The following ARHGAP21 variants were observed in gnomAD, a reference collection of about 807,000 sequenced individuals.
The protein encoded by ARHGAP21 is rho GTPase-activating protein 21.
A neutral mutation model predicts 164.6 loss-of-function variants in ARHGAP21; 38 were observed. The ratio of observed to expected loss-of-function variants is 0.23; its 90% CI spans 0.18 to 0.30. ARHGAP21 has a LOEUF of 0.30. Among genes scored for constraint, ARHGAP21 ranks in the 10% least tolerant of loss-of-function variants. The pLI is 1.00. For missense variants in ARHGAP21, 1,822 were observed against 2,370.7 expected, an observed-to-expected ratio of 0.77 and a Z score of 4.81; for synonymous variants, 766 against 857.9, an observed-to-expected ratio of 0.89 and a Z score of 1.87.
chr10:24,621,223 G>A lies in ARHGAP21; in HGVS notation c.672C>T (p.Asp224=), dbSNP rs201264537. ...MAQPVEISPP[D]SSLSKQQTST... ...TGGTTTGCTGTTTGCTCAATGATGA[G>A]TCAGGAGGAGATATTTCAACTGGCT... is the stretch of plus-strand genomic sequence containing the variant. The change falls in exon 9 of 26, where the codon GAC becomes GAT. Residue 224 remains aspartate (D), a synonymous_variant. Coordinates refer to ENST00000396432, the MANE Select transcript of ARHGAP21 (RefSeq NM_020824.4). 1.2e-6 allele frequency: 2 copies of A among 1,613,836 alleles called. No individual in the cohort carries two copies. Among genetic ancestry groups the A allele is most frequent in the Admixed American group, 1.7e-5 (1 of 59,988 alleles).
chr10:24,642,514 C>CAAAA (rs57154901), intron 4 of ARHGAP21, among the ~76,000 whole-genome samples: 2 of 47,896 alleles, frequency 4.2e-5, no homozygotes, highest in East Asian at 5.7e-4. Context: ...GACTCCGTCT[C>CAAAA]AAAAAAAAAA....
At chr10:24,666,821 T>C (rs189461522) in intron 4 of ARHGAP21, among the ~76,000 whole-genome samples, 164 bp downstream of exon 4, 2 of 152,232 alleles carry the variant, frequency 1.3e-5, no homozygotes, top group East Asian at 3.9e-4. Flanking sequence ...TCATAAAACT[T>C]TGAAGTCCAC....
intron 2 of ARHGAP21, 26 bp from the exon 3 acceptor site, chr10:24,670,423 T>C (rs1327448002): frequency 1.3e-6 from 2 of 1,521,472 alleles, no homozygotes; most frequent in Admixed American, 3.7e-5. Context: ...ATTTAAAAGT[T>C]AACTACATAA....
At chr10:24,659,779 C>A (rs1025856803) in intron 4 of ARHGAP21, among the ~76,000 whole-genome samples, 1 of 152,258 alleles carries the variant, frequency 6.6e-6, no homozygotes, top group Non-Finnish European at 1.5e-5. Context: ...GCTGGGATTA[C>A]AGGCATGGGC....
intron 4 of ARHGAP21, among the ~76,000 whole-genome samples, chr10:24,644,693 C>G (rs930854527): frequency 6.6e-6 from 1 of 152,150 alleles, no homozygotes; most frequent in African/African-American, 2.4e-5. Context: ...AAGCAAATTA[C>G]CAACTCCTCC....
chr10:24,593,105 C>T (rs1189791538), intron 21 of ARHGAP21, among the ~76,000 whole-genome samples: 2 of 152,052 alleles, frequency 1.3e-5, no homozygotes, highest in East Asian at 3.9e-4. Flanking sequence ...CACTGCCAAA[C>T]TCAAAAAGCC....
chr10:24,593,509 T>TAAAC (rs966375813), intron 21 of ARHGAP21, among the ~76,000 whole-genome samples: 3 of 152,350 alleles, frequency 2.0e-5, no homozygotes, highest in Non-Finnish European at 2.9e-5. Flanking sequence ...TTTATCTGGG[T>TAAAC]AAACAGTTTC....
intron 4 of ARHGAP21, among the ~76,000 whole-genome samples, chr10:24,658,139 C>A (rs1839270970): frequency 6.6e-6 from 1 of 151,490 alleles, no homozygotes; most frequent in South Asian, 2.1e-4. Flanking sequence ...CATCTCACAC[C>A]AGTTAGAATG....
chr10:24,705,274 T>A (rs1565193343), intron 2 of ARHGAP21, among the ~76,000 whole-genome samples: 1 of 152,214 alleles, frequency 6.6e-6, no homozygotes. Flanking sequence ...AATTCCAGTA[T>A]CTATCTTCTT....
At chr10:24,650,466 G>A (rs983333146) in intron 4 of ARHGAP21, among the ~76,000 whole-genome samples, 1 of 152,166 alleles carries the variant, frequency 6.6e-6, no homozygotes, top group Non-Finnish European at 1.5e-5. Flanking sequence ...AGTAGCATCA[G>A]ACTTCGATGT....
chr10:24,584,299 C>T lies in ARHGAP21; in HGVS notation c.*113G>A. The T allele has an allele frequency of 1.6e-6, 2 of 1,267,956 alleles. No homozygotes were observed. Among genetic ancestry groups the T allele is most frequent in the Non-Finnish European group, 2.2e-6 (2 of 917,178 alleles). The allele number at this position is 1,267,956 out of a possible 1,614,324, so 78.5% of individuals were successfully genotyped here. A position where few individuals can be genotyped will look rare whatever the true frequency, so the allele number is the denominator to read the frequency against. On this transcript the variant is annotated 3_prime_UTR_variant, in exon 26 of 26. Transcript: ENST00000396432. ...TATTTCACAGTGCAAAATGATGAAACCAGCCCAAATGAAGGCTGCATAATA... is the reference window on the plus strand; with the variant it reads ...TATTTCACAGTGCAAAATGATGAAATCAGCCCAAATGAAGGCTGCATAATA...
intron 2 of ARHGAP21, among the ~76,000 whole-genome samples, chr10:24,720,848 A>G (rs943097858): frequency 2.0e-5 from 3 of 152,238 alleles, no homozygotes; most frequent in African/African-American, 4.8e-5. Context: ...CAACCCTTCA[A>G]TGAAAACATA....
At chr10:24,671,683 C>T (rs1840715005) in intron 2 of ARHGAP21, among the ~76,000 whole-genome samples, 1 of 151,790 alleles carries the variant, frequency 6.6e-6, no homozygotes, top group Admixed American at 6.6e-5. Flanking sequence ...GCATTCCTAT[C>T]TGCATACACA....
intron 4 of ARHGAP21, among the ~76,000 whole-genome samples, chr10:24,654,451 G>A (rs1449588389): frequency 1.3e-5 from 2 of 152,164 alleles, no homozygotes; most frequent in Non-Finnish European, 2.9e-5. Flanking sequence ...AAATCAATGT[G>A]CAAAAATCAC....
At chr10:24,645,354 G>GTTGA (rs908255433) in intron 4 of ARHGAP21, among the ~76,000 whole-genome samples, 1 of 152,114 alleles carries the variant, frequency 6.6e-6, no homozygotes, top group Non-Finnish European at 1.5e-5. Flanking sequence ...GCTGAGATGG[G>GTTGA]TTGATCACCT....
At chr10:24,719,372 A>C (rs2132332026) in intron 2 of ARHGAP21, among the ~76,000 whole-genome samples, 1 of 152,304 alleles carries the variant, frequency 6.6e-6, no homozygotes, top group East Asian at 1.9e-4. Context: ...TATCAACACA[A>C]TAAAATTGCA....
chr10:24,640,032 T>C (rs911341030), intron 4 of ARHGAP21: 6 of 152,178 alleles, frequency 3.9e-5, no homozygotes, highest in East Asian at 1.9e-4. Flanking sequence ...CAGATCATGA[T>C]AGTAAGAAAA....
intron 9 of ARHGAP21, among the ~76,000 whole-genome samples, chr10:24,615,258 T>C (rs1308138979): frequency 1.3e-5 from 2 of 152,222 alleles, no homozygotes; most frequent in Non-Finnish European, 2.9e-5. Context: ...AATTATTTAT[T>C]GGTGGAACAT....
intron 9 of ARHGAP21, among the ~76,000 whole-genome samples, chr10:24,610,478 T>C (rs1255472509): frequency 1.3e-5 from 2 of 151,840 alleles, no homozygotes; most frequent in East Asian, 3.9e-4. Flanking sequence ...CACATCAAAA[T>C]TCAATGTGGC....
Sources: gnomAD v4.1 joint callset for allele counts (sites outside exome capture counted in the v4.1 genomes callset) on GRCh38, gnomAD v4.1.1 for gene constraint, MANE v1.5 for transcripts, NCBI Gene and HGNC (gene_info 2026-07-23, HGNC 2026-07-21) for gene names.